Variants in P4HTM observed in about 807,000 individuals in gnomAD.
P4HTM encodes the protein prolyl 4-hydroxylase, transmembrane, also known as transmembrane prolyl 4-hydroxylase.
In P4HTM, 33 loss-of-function variants were observed where a neutral mutation model predicts 55.3. That is an observed-to-expected ratio of 0.60 (90% CI 0.45 to 0.80). The LOEUF (loss-of-function observed/expected upper bound fraction) is 0.80. P4HTM is among the 30% of genes least tolerant of loss of function. The pLI is 0.00. For missense variants in P4HTM, 542 were observed against 696.5 expected, an observed-to-expected ratio of 0.78 and a Z score of 2.50; for synonymous variants, 272 against 286.4, an observed-to-expected ratio of 0.95 and a Z score of 0.51.
intron 2 of P4HTM, among the ~76,000 whole-genome samples, chr3:48,995,875 C>G (rs935889755): frequency 3.9e-5 from 6 of 152,150 alleles, no homozygotes; most frequent in Non-Finnish European, 8.8e-5. Flanking sequence ...CATAAGCCTC[C>G]GTGCCCAGCC....
At chr3:49,005,199 A>G in intron 6 of P4HTM, 153 bp downstream of exon 6, 1 of 1,575,346 alleles carries the variant, frequency 6.3e-7, no homozygotes. Context: ...TCTCCCCACA[A>G]GTTGTTTACC....
chr3:48,992,232 C>G (rs969507641), intron 2 of P4HTM: 4 of 152,110 alleles, frequency 2.6e-5, no homozygotes, highest in African/African-American at 9.7e-5. Context: ...TAAATATATA[C>G]ATTGGTGTGT....
chr3:48,990,487 G>C lies in P4HTM; in HGVS notation c.231G>C (p.Ala77=). 6.2e-7 allele frequency: 1 copy of C among 1,611,112 alleles called. No homozygotes were observed. Among genetic ancestry groups the C allele is most frequent in the Non-Finnish European group, 8.5e-7 (1 of 1,179,400 alleles). ...ACCTGTACCTGGGTAACGTGCTGGC[G>C]CTGCTGCTCTTCGTGCACTACAGCA... ...FVHLYLGNVL[A]LLLFVHYSNG... The change falls in exon 1 of 9, where the codon GCG becomes GCC. Residue 77 remains alanine (A), a synonymous_variant. Coordinates refer to ENST00000383729, the MANE Select transcript of P4HTM (RefSeq NM_177939.3). The surrounding 1 kb of genome is among the most constrained non-coding windows in gnomAD (Gnocchi z 7.2).
intron 2 of P4HTM, among the ~76,000 whole-genome samples, chr3:48,993,852 T>A (rs983626961): frequency 1.1e-5 from 1 of 94,896 alleles, no homozygotes. Flanking sequence ...ACAGTGAGAC[T>A]CCATCACAAA....
In P4HTM at chr3:49,007,128, G is replaced by T; in HGVS notation, c.*221G>T. 1.4e-6 allele frequency: 1 copy of T among 704,642 alleles called. No individual in the cohort carries two copies. 43.6% of individuals were successfully genotyped at this position (704,642 alleles called of 1,614,324 possible). ...CCACAAGGTTCGAGCCGCCGGGCCC[G>T]ACAAACTCCGGGTCGGCGAAACAGA... is the stretch of plus-strand genomic sequence containing the variant. On this transcript the variant is annotated 3_prime_UTR_variant, in exon 9 of 9. Coordinates refer to ENST00000383729, the MANE Select transcript of P4HTM (RefSeq NM_177939.3). This position sits in a 1 kb window ranked among gnomAD's most constrained non-coding sequence, Gnocchi z 5.1.
chr3:49,005,916 C>CCT, intron 7 of P4HTM, 49 bp downstream of exon 7: 5 of 1,531,664 alleles, frequency 3.3e-6, no homozygotes, highest in Non-Finnish European at 4.4e-6. Flanking sequence ...GGGGCTTAGA[C>CCT]AAGTGAAGTA....
intron 6 of P4HTM, chr3:49,005,278 A>G: frequency 6.9e-7 from 1 of 1,456,348 alleles, no homozygotes; most frequent in East Asian, 2.5e-5. Context: ...ATGTACCCAC[A>G]GACACCAAAA....
intron 2 of P4HTM, among the ~76,000 whole-genome samples, chr3:48,996,661 G>T (rs909342808): frequency 1.3e-5 from 2 of 152,170 alleles, no homozygotes; most frequent in African/African-American, 4.8e-5. Flanking sequence ...CGCCTGGCTA[G>T]TTCGAGTTTT....
At position 49,005,003 on chromosome 3, in the gene P4HTM, A is replaced by G. The variant is rs781780014; in HGVS notation, c.1030A>G (p.Lys344Glu). Residue 344 changes from lysine (K) to glutamate (E), a missense_variant, in exon 6 of 9, where the codon AAG becomes GAG. By Grantham distance (56) the Lys-to-Glu change is moderately conservative (BLOSUM62 1). Transcript: ENST00000383729. ...VYPETICSHT[K>E]LVANESVPFE... Reference sequence around the variant, plus strand: ...CCCAGAGACCATCTGCTCCCATACCAAGCTGGTAGCCAACGAGTCTGTACC... The same window carrying G: ...CCCAGAGACCATCTGCTCCCATACCGAGCTGGTAGCCAACGAGTCTGTACC... The G allele has an allele frequency of 6.2e-7, 1 of 1,614,048 alleles. No homozygotes were observed. The highest frequency in any genetic ancestry group is 8.5e-7 in the Non-Finnish European group (1 of 1,180,012).
intron 2 of P4HTM, among the ~76,000 whole-genome samples, chr3:48,994,868 C>T (rs1269178675): frequency 6.6e-6 from 1 of 152,100 alleles, no homozygotes; most frequent in Non-Finnish European, 1.5e-5. Context: ...GGTACCATCT[C>T]GGCTCACTGC....
chr3:48,995,567 A>G (rs1173959957), intron 2 of P4HTM, among the ~76,000 whole-genome samples: 1 of 151,922 alleles, frequency 6.6e-6, no homozygotes, highest in Non-Finnish European at 1.5e-5. Context: ...CAATGGCCAG[A>G]GTTGTATCTC....
Position 49,005,463 on chromosome 3 carries a change from C to A in P4HTM, c.1074-314C>A. The A allele has an allele frequency of 2.2e-6, 3 of 1,367,092 alleles. No homozygotes were observed. The East Asian group carries it at 8.3e-5, about 38-fold the overall frequency. 84.7% of individuals were successfully genotyped at this position (1,367,092 alleles called of 1,614,324 possible). ...GTTCTGGCCCAGCCCCTTCCCATCC[C>A]CAAGGAGCCCTTCAGCGCGCCCTGT... On this transcript the variant is annotated intron_variant, in intron 6 of 8. Transcript: ENST00000383729.
At chr3:48,992,827 G>A (rs1040196158) in intron 2 of P4HTM, among the ~76,000 whole-genome samples, 7 of 150,798 alleles carry the variant, frequency 4.6e-5, no homozygotes, top group African/African-American at 9.7e-5. Context: ...CACCACATCC[G>A]GCTAATTTTT....
At position 49,002,304 on chromosome 3, in the gene P4HTM, C is replaced by T. The variant is rs878964882; in HGVS notation, c.628-196C>T. On this transcript the variant is annotated intron_variant, in intron 3 of 8. Coordinates refer to ENST00000383729, the MANE Select transcript of P4HTM (RefSeq NM_177939.3). This position sits in a 1 kb window ranked among gnomAD's most constrained non-coding sequence, Gnocchi z 4.4. ...AATGCAAATGGCCTACGCCTCTTGA[C>T]CCCCAGCCCCCGGCCTTCTCCTCAG... 1.3e-5 allele frequency among the ~76,000 whole-genome samples: 2 copies of T among 152,242 alleles called. No individual in the cohort carries two copies. The highest frequency in any genetic ancestry group is 3.9e-4 in the East Asian group (2 of 5,194).
intron 3 of P4HTM, among the ~76,000 whole-genome samples, chr3:49,001,846 G>A (rs1168792657): frequency 6.6e-6 from 1 of 152,242 alleles, no homozygotes; most frequent in East Asian, 1.9e-4. Flanking sequence ...ACCTGGGGGT[G>A]ATGGCATTTA....
intron 3 of P4HTM, among the ~76,000 whole-genome samples, chr3:49,001,875 G>A (rs900750513): frequency 2.0e-5 from 3 of 152,218 alleles, no homozygotes; most frequent in Non-Finnish European, 4.4e-5. Context: ...GTTTTGGAGG[G>A]ATGCACCTCT....
Position 49,002,686 on chromosome 3 carries a change from C to T in P4HTM, c.724+90C>T, listed in dbSNP as rs1293138786. 2 of 922,528 alleles carry T rather than the reference C, an allele frequency of 2.2e-6. No individual in the cohort carries two copies. Among genetic ancestry groups the T allele is most frequent in the Non-Finnish European group, 3.6e-6 (2 of 555,192 alleles). 57.1% of individuals were successfully genotyped at this position (922,528 alleles called of 1,614,324 possible). Reference sequence around the variant, plus strand: ...TTTGAAAACTTGGGCCCTTCCCCCACAGCCAGGCAGCCTCTCTGCACCCCT... The same window carrying T: ...TTTGAAAACTTGGGCCCTTCCCCCATAGCCAGGCAGCCTCTCTGCACCCCT... On this transcript the variant is annotated intron_variant, in intron 4 of 8. Transcript: ENST00000383729. This position sits in a 1 kb window ranked among gnomAD's most constrained non-coding sequence, Gnocchi z 4.4.
chr3:49,006,007 C>T, intron 7 of P4HTM, 57 bp from the exon 8 acceptor site: 2 of 1,581,358 alleles, frequency 1.3e-6, no homozygotes, highest in South Asian at 2.3e-5. Context: ...TCACCCTTGG[C>T]TGGCCTGGCC....
chr3:49,007,009 G>A lies in P4HTM; in HGVS notation c.*102G>A. ...GCTGCAGACTAAAGGTCTGGCCAATGTCTTGCCCCACCCCGCCAGCCGCGA... is the reference window on the plus strand; with the variant it reads ...GCTGCAGACTAAAGGTCTGGCCAATATCTTGCCCCACCCCGCCAGCCGCGA... On this transcript the variant is annotated 3_prime_UTR_variant, in exon 9 of 9. Coordinates refer to ENST00000383729, the MANE Select transcript of P4HTM (RefSeq NM_177939.3). The surrounding 1 kb of genome is among the most constrained non-coding windows in gnomAD (Gnocchi z 5.1). 1.0e-6 allele frequency: 1 copy of A among 979,368 alleles called. No individual in the cohort carries two copies. The highest frequency in any genetic ancestry group is 1.5e-6 in the Non-Finnish European group (1 of 659,398). The allele number at this position is 979,368 out of a possible 1,614,324, so 60.7% of individuals were successfully genotyped here. A position where few individuals can be genotyped will look rare whatever the true frequency, so the allele number is the denominator to read the frequency against.
Sources: allele counts gnomAD v4.1 joint callset (sites outside exome capture counted in the v4.1 genomes callset), GRCh38; gene constraint gnomAD v4.1.1; non-coding constraint Gnocchi (gnomAD v3.1); transcripts MANE v1.5; gene names NCBI Gene and HGNC (gene_info 2026-07-23, HGNC 2026-07-21).